The following EIF3A variants were observed in gnomAD, a reference collection of about 807,000 sequenced individuals.
EIF3A encodes the protein eukaryotic translation initiation factor 3 subunit A.
Under a neutral mutation model 186.6 loss-of-function variants are expected in EIF3A, and 21 were observed. The observed-to-expected ratio is 0.11, with a 90% CI of 0.08 to 0.16. The LOEUF is 0.16. EIF3A is among the 10% of genes least tolerant of loss of function. The probability of loss-of-function intolerance (pLI) is 1.00; values close to 1 mark genes in which losing one functional copy is unlikely to be tolerated. For synonymous variants in EIF3A, 563 were observed against 584.3 expected (o/e 0.96, Z 0.52); for missense variants, 1,306 against 1,796.3 (o/e 0.73, Z 4.93).
At position 119,080,740 on chromosome 10, in the gene EIF3A, A is replaced by T; in HGVS notation, c.-64T>A. On this transcript the variant is annotated 5_prime_UTR_variant, in exon 1 of 22. Coordinates refer to ENST00000369144, the MANE Select transcript of EIF3A (RefSeq NM_003750.4). ...CTCTAGTGGCCCGGGCCGGGAGAGG[A>T]GACGAAGGGGAACCAGCGTAAGGTC... is the stretch of plus-strand genomic sequence containing the variant. 2.6e-6 allele frequency: 4 copies of T among 1,543,032 alleles called. No homozygotes were observed. In the Admixed American group the frequency reaches 6.0e-5, roughly 23 times the overall value.
intron 21 of EIF3A, 133 bp from the exon 22 acceptor site, chr10:119,036,401 G>A: frequency 3.2e-6 from 2 of 622,306 alleles, no homozygotes; most frequent in Non-Finnish European, 5.5e-6. Flanking sequence ...GTTAAATTCT[G>A]TATTGTTAAA....
chr10:119,077,460 A>C (rs1844196273), intron 1 of EIF3A, among the ~76,000 whole-genome samples: 1 of 152,054 alleles, frequency 6.6e-6, no homozygotes, highest in African/African-American at 2.4e-5. Context: ...CAAATAAATA[A>C]ATAAATAGTT....
chr10:119,058,391 T>A, intron 11 of EIF3A, 88 bp from the exon 12 acceptor site: 1 of 892,606 alleles, frequency 1.1e-6, no homozygotes, highest in Non-Finnish European at 1.7e-6. Context: ...AATCCTGATG[T>A]ACTGCCTTTC....
chr10:119,052,834 A>C (rs1247215229), intron 14 of EIF3A, among the ~76,000 whole-genome samples: 1 of 152,202 alleles, frequency 6.6e-6, no homozygotes, highest in East Asian at 1.9e-4. Context: ...ACGAATCACA[A>C]ATGGCATCTG....
chr10:119,047,879 T>C (rs1165779318), intron 17 of EIF3A, among the ~76,000 whole-genome samples: 3 of 151,480 alleles, frequency 2.0e-5, no homozygotes, highest in African/African-American at 4.9e-5. Context: ...GTGGCAAAAA[T>C]AGAGGAGCAG....
chr10:119,038,380 T>G lies in EIF3A; in HGVS notation c.3586A>C (p.Arg1196=). 1 of 1,614,222 alleles carries G rather than the reference T, an allele frequency of 6.2e-7. No homozygotes were observed. Among genetic ancestry groups the G allele is most frequent in the Non-Finnish European group, 8.5e-7 (1 of 1,180,034 alleles). The change falls in exon 20 of 22, where the codon AGG becomes CGG. Residue 1196 remains arginine (R), a synonymous_variant. Coordinates refer to ENST00000369144, the MANE Select transcript of EIF3A (RefSeq NM_003750.4). ...EESWGPPRES[R]PSEEREWDRE... ...TCCCATTCACGTTCTTCTGATGGCC[T>G]TGATTCTCGAGGTGGACCCCAGCTC...
chr10:119,065,989 G>A (rs1360651696), intron 6 of EIF3A, among the ~76,000 whole-genome samples: 12 of 151,986 alleles, frequency 7.9e-5, no homozygotes, highest in African/African-American at 2.9e-4. Context: ...AGTGGTGGGC[G>A]CCTGTAGTCC....
At chr10:119,067,013 G>C (rs1466286817) in intron 6 of EIF3A, among the ~76,000 whole-genome samples, 3 of 151,864 alleles carry the variant, frequency 2.0e-5, no homozygotes, top group African/African-American at 7.3e-5. Flanking sequence ...AGGAGTTCAA[G>C]ACCAGCCTGG....
At chr10:119,041,848 G>A in intron 19 of EIF3A, 146 bp downstream of exon 19, 1 of 864,450 alleles carries the variant, frequency 1.2e-6, no homozygotes, top group Non-Finnish European at 1.7e-6. Flanking sequence ...GCAAACTTTT[G>A]ACAGCGAAGT....
At chr10:119,069,288 C>G (rs1199623868) in intron 6 of EIF3A, among the ~76,000 whole-genome samples, 158 bp downstream of exon 6, 3 of 152,328 alleles carry the variant, frequency 2.0e-5, no homozygotes, top group South Asian at 2.1e-4. Context: ...ACTGCTAAAC[C>G]ACCTGCAGTA....
chr10:119,060,921 T>C (rs1030999909), intron 8 of EIF3A, 77 bp from the exon 9 acceptor site: 1 of 989,578 alleles, frequency 1.0e-6, no homozygotes, highest in East Asian at 2.5e-5. Context: ...CTCTTTTTTT[T>C]TTAATATACA....
chr10:119,068,104 G>A (rs758878597), intron 6 of EIF3A, among the ~76,000 whole-genome samples: 8 of 152,114 alleles, frequency 5.3e-5, no homozygotes, highest in Middle Eastern at 3.4e-3. Flanking sequence ...GAGTCACTGC[G>A]CCAGGCCAGA....
intron 17 of EIF3A, among the ~76,000 whole-genome samples, chr10:119,046,473 T>A (rs1848283768): frequency 6.6e-6 from 1 of 152,260 alleles, no homozygotes; most frequent in South Asian, 2.1e-4. Flanking sequence ...TTCGCTAATA[T>A]GGATGGAAAA....
At chr10:119,053,332 G>A (rs1848383507) in intron 14 of EIF3A, among the ~76,000 whole-genome samples, 2 of 152,106 alleles carry the variant, frequency 1.3e-5, no homozygotes, top group South Asian at 4.1e-4. Context: ...ACCCTTTGAT[G>A]CTCTCAAGCT....
intron 4 of EIF3A, among the ~76,000 whole-genome samples, chr10:119,071,569 A>G (rs1844071560): frequency 1.3e-5 from 2 of 152,080 alleles, no homozygotes; most frequent in South Asian, 4.1e-4. Flanking sequence ...GGACACGTTA[A>G]TTTTTTTACC....
intron 1 of EIF3A, 66 bp downstream of exon 1, chr10:119,080,562 G>A (rs1374823772): frequency 6.6e-7 from 1 of 1,522,678 alleles, no homozygotes. Context: ...TGGGAAGCAG[G>A]CCCGCGCTCT....
chr10:119,073,067 A>C lies in EIF3A; in HGVS notation c.378-14T>G, dbSNP rs560109364. The C allele has an allele frequency of 1.4e-5, 23 of 1,587,574 alleles. No homozygotes were observed. In the Admixed American group the frequency reaches 1.9e-4, roughly 13 times the overall value. ...CTTAGGAGAACACTACAAAGAAAAA[A>C]ATGTTGAAAACAATTTTAGACAGTT... On this transcript the variant is annotated splice_polypyrimidine_tract_variant and intron_variant, in intron 3 of 21. Coordinates refer to ENST00000369144, the MANE Select transcript of EIF3A (RefSeq NM_003750.4).
intron 19 of EIF3A, among the ~76,000 whole-genome samples, chr10:119,039,671 AAG>A (rs919516103): frequency 6.6e-6 from 1 of 152,136 alleles, no homozygotes; most frequent in African/African-American, 2.4e-5. Flanking sequence ...CCACCTCAAA[AAG>A]AGAAAAAACA....
chr10:119,066,399 C>T lies in EIF3A; in HGVS notation c.951-829G>A, dbSNP rs7069769. ...TGACAGGCGCCTGTAATCCCAGCTA[C>T]TCAGGAAGCTGAGGCAGGAGAATCA... On this transcript the variant is annotated intron_variant, in intron 6 of 21. Transcript: ENST00000369144. 7.9e-3 allele frequency among the ~76,000 whole-genome samples: 1,181 copies of T among 149,324 alleles called. 15 individuals carry two copies. Among genetic ancestry groups the T allele is most frequent in the African/African-American group, 0.028 (1,131 of 40,396 alleles).
Sources: gnomAD v4.1 joint callset for allele counts (sites outside exome capture counted in the v4.1 genomes callset) on GRCh38, gnomAD v4.1.1 for gene constraint, MANE v1.5 for transcripts, NCBI Gene and HGNC (gene_info 2026-07-23, HGNC 2026-07-21) for gene names.